NTM: variants seen among roughly 807,000 people sequenced by gnomAD.
NTM encodes neurotrimin, also known as IgLON family member 2.
In NTM, 13 loss-of-function variants were observed where a neutral mutation model predicts 42.1. The ratio of observed to expected loss-of-function variants is 0.31; its 90% CI spans 0.20 to 0.49. NTM has a LOEUF of 0.49. Ranked by LOEUF, NTM falls within the 20% of genes least tolerant of loss-of-function variation. The probability of loss-of-function intolerance (pLI) is 0.99; values close to 1 mark genes in which losing one functional copy is unlikely to be tolerated. For missense variants in NTM, 373 were observed against 452.8 expected (o/e 0.82, Z 1.60); for synonymous variants, 187 against 179.2 (o/e 1.04, Z -0.35).
At chr11:131,881,753 T>A (rs935483303) in intron 1 of NTM, among the ~76,000 whole-genome samples, 3 of 152,212 alleles carry the variant, frequency 2.0e-5, no homozygotes, top group African/African-American at 7.2e-5. Context: ...AATTATTGAG[T>A]ACCTTGTCTA....
chr11:131,783,745 C>T (rs529219110), intron 1 of NTM, among the ~76,000 whole-genome samples: 6 of 151,934 alleles, frequency 3.9e-5, no homozygotes, highest in African/African-American at 1.4e-4. Flanking sequence ...TTTCTTAGAC[C>T]GAAGGCAAAA....
At chr11:131,754,223 G>A (rs1430651227) in intron 1 of NTM, among the ~76,000 whole-genome samples, 1 of 151,504 alleles carries the variant, frequency 6.6e-6, no homozygotes, top group African/African-American at 2.4e-5. Flanking sequence ...CATGACACAT[G>A]TATACATATG....
intron 3 of NTM, among the ~76,000 whole-genome samples, chr11:132,197,653 C>T (rs1428744141): frequency 1.7e-5 from 2 of 117,712 alleles, no homozygotes; most frequent in East Asian, 3.1e-4. Flanking sequence ...CCCCCCTCCC[C>T]CCACCCCACA....
intron 1 of NTM, among the ~76,000 whole-genome samples, chr11:131,511,582 C>T (rs945213846): frequency 2.4e-4 from 37 of 152,192 alleles, no homozygotes; most frequent in African/African-American, 8.2e-4. Flanking sequence ...ACAAACAAAA[C>T]AGAAACCCCG....
At chr11:131,389,024 A>AAAAAAAAG (rs774146196) in intron 1 of NTM, among the ~76,000 whole-genome samples, 1 of 89,912 alleles carries the variant, frequency 1.1e-5, no homozygotes, top group African/African-American at 4.6e-5. Flanking sequence ...AAAAAAAAAA[A>AAAAAAAAG]AAAAGAAAAG....
intron 1 of NTM, chr11:131,538,520 C>T (rs546765851): frequency 1.3e-5 from 2 of 152,380 alleles, no homozygotes; most frequent in African/African-American, 4.8e-5. Flanking sequence ...TGCCAGTGCC[C>T]CGCTGGGGTA....
intron 2 of NTM, among the ~76,000 whole-genome samples, chr11:132,080,262 G>A (rs925772852): frequency 6.6e-6 from 1 of 152,148 alleles, no homozygotes; most frequent in African/African-American, 2.4e-5. Flanking sequence ...GCCTGTGTAG[G>A]ACATCTTTTA....
intron 1 of NTM, among the ~76,000 whole-genome samples, chr11:131,582,719 A>G (rs1176590572): frequency 2.0e-5 from 3 of 152,238 alleles, no homozygotes; most frequent in South Asian, 2.1e-4. Flanking sequence ...TTAATGCTCA[A>G]TAATTGTCAA....
chr11:131,682,000 C>T (rs1000224948), intron 1 of NTM, among the ~76,000 whole-genome samples: 36 of 152,256 alleles, frequency 2.4e-4, no homozygotes, highest in African/African-American at 8.4e-4. Context: ...CTGACCAGTC[C>T]TTCCAATCTC....
At chr11:131,612,295 G>T (rs2061523297) in intron 1 of NTM, among the ~76,000 whole-genome samples, 1 of 152,230 alleles carries the variant, frequency 6.6e-6, no homozygotes, top group Non-Finnish European at 1.5e-5. Flanking sequence ...GCTGCTGAAT[G>T]CCTGCCCCAC....
rs1235431794 is a variant in NTM, at chr11:131,661,197, G to T, written c.83-250367G>T. The stretch of plus-strand genomic sequence containing the variant: ...ATGATGGCTTTGTTCTTTGAAAGGG[G>T]TTTGTCCTGTGACACAATGGCCAGC... On this transcript the variant is annotated intron_variant, in intron 1 of 8. Coordinates refer to ENST00000683400, the MANE Select transcript of NTM (RefSeq NM_001352005.2). 4 of 416,200 alleles carry T rather than the reference G, an allele frequency of 9.6e-6. No homozygotes were observed. The East Asian group carries it at 2.9e-4, about 30-fold the overall frequency. The allele number at this position is 416,200 out of a possible 1,614,324, so 25.8% of individuals were successfully genotyped here.
intron 1 of NTM, among the ~76,000 whole-genome samples, chr11:131,394,028 T>A (rs933746151): frequency 6.6e-6 from 1 of 152,262 alleles, no homozygotes; most frequent in African/African-American, 2.4e-5. Context: ...CAGGAATTGA[T>A]GTATTCTCTG....
At position 131,735,835 on chromosome 11, in the gene NTM, G is replaced by GGGGTGTGTGTGTGT. The variant is rs1491265028; in HGVS notation, c.83-175728_83-175727insGGTGTGTGTGTGTG. Among the ~76,000 whole-genome samples the GGGGTGTGTGTGTGT allele has an allele frequency of 7.5e-4, 91 of 121,378 alleles. 2 individuals are homozygous for GGGGTGTGTGTGTGT. Among genetic ancestry groups the GGGGTGTGTGTGTGT allele is most frequent in the Middle Eastern group, 9.2e-3 (2 of 218 alleles). 79.6% of individuals were successfully genotyped at this position (121,378 alleles called of 152,430 possible). A position where few individuals can be genotyped will look rare whatever the true frequency, so the allele number is the denominator to read the frequency against. ...CCGTTCCTTAGATTTCCATTCATAA[G>GGGGTGTGTGTGTGT]GTGTGTGTGTGTGTGTGTGTGTGTG... is the stretch of plus-strand genomic sequence containing the variant. On this transcript the variant is annotated intron_variant, in intron 1 of 8. Transcript: ENST00000683400.
At chr11:131,675,545 T>C (rs564247005) in intron 1 of NTM, among the ~76,000 whole-genome samples, 1 of 152,104 alleles carries the variant, frequency 6.6e-6, no homozygotes, top group African/African-American at 2.4e-5. Context: ...ATAAGGGAGG[T>C]AGGATTATCT....
chr11:131,548,989 T>C (rs2054298722), intron 1 of NTM, among the ~76,000 whole-genome samples: 1 of 152,204 alleles, frequency 6.6e-6, no homozygotes, highest in Non-Finnish European at 1.5e-5. Context: ...ATCCTTATTT[T>C]ATGTAGGGTG....
At chr11:131,763,105 C>T (rs190095175) in intron 1 of NTM, among the ~76,000 whole-genome samples, 56 of 152,236 alleles carry the variant, frequency 3.7e-4, no homozygotes, top group Admixed American at 2.4e-3. Flanking sequence ...TTTTATGGTC[C>T]TCAGGTAGGG....
chr11:132,031,644 A>G (rs2075933093), intron 2 of NTM, among the ~76,000 whole-genome samples: 1 of 152,180 alleles, frequency 6.6e-6, no homozygotes, highest in Non-Finnish European at 1.5e-5. Flanking sequence ...CTGGAGTTCT[A>G]CTTTCATCAT....
chr11:131,888,914 T>A (rs1011209141), intron 1 of NTM, among the ~76,000 whole-genome samples: 18 of 151,462 alleles, frequency 1.2e-4, no homozygotes, highest in South Asian at 2.1e-4. Context: ...CTTTATTTTT[T>A]TTTTTTTTAT....
chr11:131,690,582 C>T (rs1045249516), intron 1 of NTM, among the ~76,000 whole-genome samples: 8 of 152,250 alleles, frequency 5.3e-5, no homozygotes, highest in Admixed American at 6.5e-5. Flanking sequence ...GAAACATACA[C>T]CGTGGACGCT....
Sources: gnomAD v4.1 joint callset for allele counts (sites outside exome capture counted in the v4.1 genomes callset) on GRCh38, gnomAD v4.1.1 for gene constraint, MANE v1.5 for transcripts, NCBI Gene and HGNC (gene_info 2026-07-23, HGNC 2026-07-21) for gene names.